The following MTRR variants were observed in gnomAD, a reference collection of about 807,000 sequenced individuals.
MTRR encodes methionine synthase reductase.
A neutral mutation model predicts 79.2 loss-of-function variants in MTRR; 63 were observed. That is an observed-to-expected ratio of 0.80 (90% CI 0.65 to 0.98). The LOEUF is 0.98. Among genes scored for constraint, MTRR ranks in the 50% least tolerant of loss-of-function variants. The pLI, the probability that MTRR is intolerant of heterozygous loss-of-function variation, is 0.00. For missense variants in MTRR, 895 were observed against 839.6 expected (o/e 1.07, Z -0.82); for synonymous variants, 355 against 313.3 (o/e 1.13, Z -1.41).
intron 11 of MTRR, among the ~76,000 whole-genome samples, chr5:7,894,059 C>T (rs1396489225): frequency 1.3e-5 from 2 of 152,172 alleles, no homozygotes; most frequent in African/African-American, 2.4e-5. Context: ...CATCATGTAT[C>T]GTAAACACTA....
At chr5:7,879,070 A>AT (rs574651746) in intron 5 of MTRR, among the ~76,000 whole-genome samples, 3 of 151,964 alleles carry the variant, frequency 2.0e-5, no homozygotes, top group Non-Finnish European at 2.9e-5. Context: ...TATGATAGCA[A>AT]TTTTTTTTAG....
At chr5:7,875,180 A>G (rs527792215) in intron 3 of MTRR, 78 bp from the exon 4 acceptor site, 1 of 936,886 alleles carries the variant, frequency 1.1e-6, no homozygotes, top group Non-Finnish European at 1.8e-6. Context: ...GTATTATTTT[A>G]GATATTTTAT....
chr5:7,877,503 C>CAA (rs11324670), intron 4 of MTRR, among the ~76,000 whole-genome samples: 72 of 100,456 alleles, frequency 7.2e-4, no homozygotes, highest in African/African-American at 2.3e-3. Context: ...ATTGGCTAGG[C>CAA]AAAAAAAAAA....
At chr5:7,873,772 C>G (rs920240434) in intron 3 of MTRR, among the ~76,000 whole-genome samples, 3 of 152,204 alleles carry the variant, frequency 2.0e-5, no homozygotes, top group Non-Finnish European at 4.4e-5. Context: ...ACCTCAGATG[C>G]AGCCATGAAA....
At chr5:7,868,105 TAACTA>T (rs777537910), upstream of MTRR, 2 of 1,513,582 alleles carry the variant, frequency 1.3e-6, no homozygotes, top group South Asian at 2.5e-5. Flanking sequence ...CTCAATTTGA[TAACTA>T]AATTAAAAAA....
At chr5:7,867,154 T>C (rs1183434957), upstream of MTRR, 3 of 1,614,194 alleles carry the variant, frequency 1.9e-6, no homozygotes, top group Admixed American at 1.7e-5. Flanking sequence ...GAGGAAATGC[T>C]TGACTTTGAT....
intron 7 of MTRR, among the ~76,000 whole-genome samples, chr5:7,886,185 T>C (rs892566404): frequency 2.0e-5 from 3 of 149,292 alleles, no homozygotes; most frequent in African/African-American, 7.3e-5. Context: ...TCTCATAGTA[T>C]GTTTGTTTTT....
chr5:7,861,057 G>T, intron 1 of MTRR: 2 of 732,418 alleles, frequency 2.7e-6, no homozygotes, highest in Admixed American at 2.4e-5. Flanking sequence ...AAATTTTACT[G>T]TGCCTCAGAT....
Position 7,895,844 on chromosome 5 carries a change from A to C in MTRR, c.1668A>C (p.Leu556=). 1 of 1,614,156 alleles carries C rather than the reference A, an allele frequency of 6.2e-7. No homozygotes were observed. The highest frequency in any genetic ancestry group is 1.1e-5 in the South Asian group (1 of 91,074). Reference sequence around the variant, plus strand: ...GCATAGCCCCGTTTATTGGGTTCCTACAACATAGGTATGTTCTTTTTTTGG... The same window carrying C: ...GCATAGCCCCGTTTATTGGGTTCCTCCAACATAGGTATGTTCTTTTTTTGG... The part of the protein sequence containing the change: ...GTGIAPFIGF[L]QHREKLQEQH... Residue 556 remains leucine (L), a synonymous_variant, in exon 12 of 15, where the codon CTA becomes CTC. Coordinates refer to ENST00000440940, the MANE Select transcript of MTRR (RefSeq NM_002454.3).
intron 14 of MTRR, among the ~76,000 whole-genome samples, chr5:7,897,752 G>A (rs1738781927): frequency 6.6e-6 from 1 of 152,150 alleles, no homozygotes; most frequent in Non-Finnish European, 1.5e-5. Context: ...GGCAAGATCT[G>A]TTACAGGAAC....
chr5:7,869,315 C>T, intron 1 of MTRR, 100 bp downstream of exon 1: 1 of 1,438,912 alleles, frequency 6.9e-7, no homozygotes, highest in Non-Finnish European at 9.6e-7. Context: ...AGCCGGCTTG[C>T]GCCCGTGGTT....
chr5:7,867,179 G>A (rs1414015760), upstream of MTRR: 1 of 1,614,136 alleles, frequency 6.2e-7, no homozygotes, highest in Admixed American at 1.7e-5. Flanking sequence ...AACCACCAGG[G>A]CAGTGAGCAT....
chr5:7,874,683 T>G (rs971030758), intron 3 of MTRR, among the ~76,000 whole-genome samples: 2 of 151,968 alleles, frequency 1.3e-5, no homozygotes, highest in Non-Finnish European at 2.9e-5. Flanking sequence ...TTGTGGTTAT[T>G]TATATGGCTG....
upstream of MTRR, among the ~76,000 whole-genome samples, chr5:7,865,001 T>C (rs1326711165): frequency 6.6e-6 from 1 of 152,166 alleles, no homozygotes; most frequent in East Asian, 1.9e-4. Context: ...ATAAACACCA[T>C]GAAATATCAT....
At chr5:7,860,288 A>AG (rs1438076169) in intron 1 of MTRR, among the ~76,000 whole-genome samples, 1 of 152,186 alleles carries the variant, frequency 6.6e-6, no homozygotes, top group Non-Finnish European at 1.5e-5. Flanking sequence ...GAATTAGGGC[A>AG]GCGCTCATTC....
chr5:7,865,978 C>G (rs1176348910), upstream of MTRR: 7 of 1,613,608 alleles, frequency 4.3e-6, no homozygotes, highest in East Asian at 1.6e-4. Context: ...AAATGAGATT[C>G]TTTACCTGAA....
intron 1 of MTRR, among the ~76,000 whole-genome samples, chr5:7,857,875 G>C (rs1287887015): frequency 1.3e-5 from 2 of 152,194 alleles, no homozygotes; most frequent in African/African-American, 4.8e-5. Context: ...AGAAGGAGGA[G>C]CATCTGATTC....
intron 3 of MTRR, 27 bp from the exon 4 acceptor site, chr5:7,875,231 C>A: frequency 7.0e-7 from 1 of 1,422,342 alleles, no homozygotes; most frequent in Non-Finnish European, 9.9e-7. Context: ...CTTTATTGTG[C>A]ATTAATTATG....
At chr5:7,866,021 A>G, upstream of MTRR, 1 of 1,482,316 alleles carries the variant, frequency 6.7e-7, no homozygotes, top group South Asian at 1.1e-5. Context: ...TTACGTCTGA[A>G]TTGAGGTATG....
Sources: allele counts gnomAD v4.1 joint callset (sites outside exome capture counted in the v4.1 genomes callset), GRCh38; gene constraint gnomAD v4.1.1; transcripts MANE v1.5; gene names NCBI Gene and HGNC (gene_info 2026-07-23, HGNC 2026-07-21).